Variants in LPAR1 observed in about 807,000 individuals in gnomAD.
The protein encoded by LPAR1 is lysophosphatidic acid receptor 1.
In LPAR1, 5 loss-of-function variants were observed where a neutral mutation model predicts 23.8. That is an observed-to-expected ratio of 0.21 (90% CI 0.11 to 0.44). LPAR1 has a LOEUF of 0.44. Ranked by LOEUF, LPAR1 falls within the 20% of genes least tolerant of loss-of-function variation. The pLI, the probability that LPAR1 is intolerant of heterozygous loss-of-function variation, is 0.99. For synonymous variants in LPAR1, 160 were observed against 164.7 expected (o/e 0.97, Z 0.22); for missense variants, 311 against 482.8 (o/e 0.64, Z 3.33).
intron 5 of LPAR1, among the ~76,000 whole-genome samples, chr9:110,912,112 C>T (rs1436016395): frequency 3.9e-5 from 6 of 152,270 alleles, no homozygotes; most frequent in Admixed American, 1.3e-4. Context: ...AGCACAGTAT[C>T]AATGCAGAAA....
chr9:110,890,710 T>C (rs2133178354), intron 5 of LPAR1, among the ~76,000 whole-genome samples: 1 of 152,348 alleles, frequency 6.6e-6, no homozygotes, highest in Non-Finnish European at 1.5e-5. Context: ...CAGTCAACTT[T>C]ATGAATATAA....
chr9:110,937,988 A>C (rs2094835914), intron 5 of LPAR1, among the ~76,000 whole-genome samples: 2 of 152,188 alleles, frequency 1.3e-5, no homozygotes, highest in Admixed American at 1.3e-4. Context: ...CACATAGCTG[A>C]ATAAAGTGGC....
intron 2 of LPAR1, among the ~76,000 whole-genome samples, chr9:110,986,286 T>C (rs1172182091): frequency 6.6e-6 from 1 of 152,160 alleles, no homozygotes; most frequent in East Asian, 1.9e-4. Flanking sequence ...TTTCAGTCCG[T>C]AGTTTTCAGA....
At chr9:110,899,526 G>C (rs1017868250) in intron 5 of LPAR1, among the ~76,000 whole-genome samples, 5 of 152,174 alleles carry the variant, frequency 3.3e-5, no homozygotes, top group Admixed American at 3.3e-4. Flanking sequence ...GGAACCGTAA[G>C]TGCAGGGAGT....
intron 2 of LPAR1, among the ~76,000 whole-genome samples, chr9:111,035,620 T>C (rs535539802): frequency 3.3e-5 from 5 of 152,350 alleles, no homozygotes; most frequent in Non-Finnish European, 4.4e-5. Context: ...TATTGGACTT[T>C]AAACCAAGAG....
At position 110,939,707 on chromosome 9, in the gene LPAR1, C is replaced by G. The variant is rs146258830; in HGVS notation, c.793+1714G>C. 3.3e-5 allele frequency among the ~76,000 whole-genome samples: 5 copies of G among 152,196 alleles called. No homozygotes were observed. The East Asian group carries it at 9.7e-4, about 29-fold the overall frequency. ...TCAGTACATTGCACACTGGAATACA[C>G]AAGATATTATACAAAGGTCAAAATT... On this transcript the variant is annotated intron_variant, in intron 5 of 5. Transcript: ENST00000683809.
intron 4 of LPAR1, among the ~76,000 whole-genome samples, chr9:110,969,242 G>T (rs2096327883): frequency 6.6e-6 from 1 of 152,070 alleles, no homozygotes; most frequent in African/African-American, 2.4e-5. Flanking sequence ...TATGTTCTAG[G>T]ACTTTCATTA....
At chr9:111,000,030 G>A (rs1357718536) in intron 2 of LPAR1, among the ~76,000 whole-genome samples, 2 of 152,046 alleles carry the variant, frequency 1.3e-5, no homozygotes, top group Admixed American at 6.6e-5. Context: ...TCTTTTATAA[G>A]GCCCCTAATC....
In LPAR1 at chr9:110,885,917, G is replaced by C. The variant is rs2082235862; in HGVS notation, c.794-10195C>G. Among the ~76,000 whole-genome samples the C allele has an allele frequency of 2.6e-5, 4 of 152,138 alleles. No homozygotes were observed. The South Asian group carries it at 6.2e-4, about 24-fold the overall frequency. ...ATCTCTACTAAAAATACAAAATTAG[G>C]CTGGGCGTGGTGGCTCATGCCTGTA... On this transcript the variant is annotated intron_variant, in intron 5 of 5. Coordinates refer to ENST00000683809, the MANE Select transcript of LPAR1 (RefSeq NM_001351411.2).
chr9:110,917,517 T>C (rs186350514), intron 5 of LPAR1, among the ~76,000 whole-genome samples: 2 of 152,306 alleles, frequency 1.3e-5, no homozygotes, highest in African/African-American at 4.8e-5. Context: ...ATTGCTTTCA[T>C]TGAACTGCAC....
chr9:110,886,516 G>A (rs1402277087), intron 5 of LPAR1, among the ~76,000 whole-genome samples: 1 of 150,334 alleles, frequency 6.7e-6, no homozygotes, highest in Non-Finnish European at 1.5e-5. Context: ...TTTTAAACTT[G>A]TAAAACTATA....
At chr9:110,907,916 A>AACACACACACAC (rs35043548) in intron 5 of LPAR1, among the ~76,000 whole-genome samples, 76 of 139,794 alleles carry the variant, frequency 5.4e-4, no homozygotes, top group Middle Eastern at 3.6e-3. Flanking sequence ...CCTTTGACAA[A>AACACACACACAC]ACACACACAC....
intron 5 of LPAR1, among the ~76,000 whole-genome samples, chr9:110,935,565 G>T (rs2418120): frequency 0.43 from 65,172 of 151,886 alleles, 14,239 homozygotes; most frequent in Admixed American, 0.51. Context: ...GAGGTGAGCA[G>T]ATCACTTGAG....
chr9:110,900,393 T>C (rs1393992742), intron 5 of LPAR1, among the ~76,000 whole-genome samples: 3 of 152,220 alleles, frequency 2.0e-5, no homozygotes, highest in African/African-American at 7.2e-5. Context: ...TGAGCATCTT[T>C]AGTGGTCCGT....
chr9:110,907,916 A>AACACACACACACACACACACAC (rs35043548), intron 5 of LPAR1, among the ~76,000 whole-genome samples: 5 of 139,798 alleles, frequency 3.6e-5, no homozygotes, highest in African/African-American at 1.3e-4. Flanking sequence ...CCTTTGACAA[A>AACACACACACACACACACACAC]ACACACACAC....
chr9:110,888,527 T>TTACATATGTCTAGTCACATA (rs1057282696), intron 5 of LPAR1, among the ~76,000 whole-genome samples: 2 of 151,474 alleles, frequency 1.3e-5, no homozygotes, highest in African/African-American at 4.9e-5. Flanking sequence ...AATTATTTCA[T>TTACATATGTCTAGTCACATA]TAGTTATGTG....
intron 1 of LPAR1, chr9:111,037,717 T>C (rs1441241467): frequency 6.6e-6 from 1 of 151,864 alleles, no homozygotes; most frequent in Admixed American, 6.6e-5. Context: ...GAGGTGCAAG[T>C]CCAGCGGGAC....
chr9:110,986,456 G>C (rs924492186), intron 2 of LPAR1, among the ~76,000 whole-genome samples: 9 of 152,060 alleles, frequency 5.9e-5, no homozygotes, highest in South Asian at 2.1e-4. Flanking sequence ...TGTAATTCCA[G>C]CACTTTGAGA....
intron 2 of LPAR1, among the ~76,000 whole-genome samples, chr9:111,014,811 A>G (rs2097406866): frequency 6.6e-6 from 1 of 152,046 alleles, no homozygotes; most frequent in African/African-American, 2.4e-5. Flanking sequence ...TACATACTCC[A>G]TAGGGTTTGC....
Sources: gnomAD v4.1 joint callset for allele counts (sites outside exome capture counted in the v4.1 genomes callset) on GRCh38, gnomAD v4.1.1 for gene constraint, MANE v1.5 for transcripts, NCBI Gene and HGNC (gene_info 2026-07-23, HGNC 2026-07-21) for gene names.